The following AAK1 variants were observed in gnomAD, a reference collection of about 807,000 sequenced individuals.
The protein encoded by AAK1 is AP2-associated protein kinase 1.
A neutral mutation model predicts 116.0 loss-of-function variants in AAK1; 37 were observed. That is an observed-to-expected ratio of 0.32 (90% confidence interval 0.25 to 0.42). The LOEUF (loss-of-function observed/expected upper bound fraction) is 0.42. AAK1 is among the 10% of genes least tolerant of loss of function. The probability of loss-of-function intolerance (pLI) is 1.00; values close to 1 mark genes in which losing one functional copy is unlikely to be tolerated. For missense variants in AAK1, 919 were observed against 1,170.6 expected (o/e 0.79, Z 3.14); for synonymous variants, 458 against 439.9 (o/e 1.04, Z -0.51).
chr2:69,475,624 T>G lies in AAK1; in HGVS notation c.*245A>C. The stretch of plus-strand genomic sequence containing the variant: ...AGTGCTTGATTTAAGATAATGCTAT[T>G]GAAGAAGGGTAATGAGAAAACACAG... On this transcript the variant is annotated 3_prime_UTR_variant, in exon 22 of 22. Transcript: ENST00000409085. 7.8e-7 allele frequency: 1 copy of G among 1,281,680 alleles called. No homozygotes were observed. The allele number at this position is 1,281,680 out of a possible 1,614,324, so 79.4% of individuals were successfully genotyped here. A position where few individuals can be genotyped will look rare whatever the true frequency, so the allele number is the denominator to read the frequency against.
In AAK1 at chr2:69,530,017, A is replaced by G; in HGVS notation, c.862T>C (p.Cys288Arg). Residue 288 changes from cysteine (C) to arginine (R), a missense_variant, in exon 8 of 22, where the codon TGC becomes CGC. Around this residue, in one of 4 missense-constraint regions of AAK1, gnomAD observed 317 missense variants for 490.4 expected, o/e 0.65. Transcript: ENST00000409085. ...DNSRYSQDMH[C>R]LIRYMLEPDP... ...AACTTAAAATACTTACTAATTAGGC[A>G]GTGCATGTCTTGAGAATATCGAGAA... The G allele has an allele frequency of 6.4e-7, 1 of 1,572,550 alleles. No individual in the cohort carries two copies. Among genetic ancestry groups the G allele is most frequent in the Non-Finnish European group, 8.6e-7 (1 of 1,162,164 alleles).
At chr2:69,485,897 G>A (rs1212130157) in intron 17 of AAK1, among the ~76,000 whole-genome samples, 1 of 151,848 alleles carries the variant, frequency 6.6e-6, no homozygotes, top group African/African-American at 2.4e-5. Flanking sequence ...GACCTCAGGT[G>A]ATCCACCCAC....
At chr2:69,547,273 T>C (rs1670966664) in intron 3 of AAK1, among the ~76,000 whole-genome samples, 1 of 152,192 alleles carries the variant, frequency 6.6e-6, no homozygotes, top group Non-Finnish European at 1.5e-5. Flanking sequence ...TGCACTTTAT[T>C]GAAATTAAAA....
At chr2:69,563,466 A>C (rs929833081) in intron 2 of AAK1, among the ~76,000 whole-genome samples, 3 of 152,212 alleles carry the variant, frequency 2.0e-5, no homozygotes, top group African/African-American at 7.2e-5. Context: ...GATATTTTAA[A>C]ATCAGGCCTA....
At chr2:69,561,889 A>T (rs1444949625) in intron 2 of AAK1, among the ~76,000 whole-genome samples, 1 of 152,186 alleles carries the variant, frequency 6.6e-6, no homozygotes, top group African/African-American at 2.4e-5. Flanking sequence ...AACATTTCTG[A>T]GATTCATCTT....
In AAK1 at chr2:69,500,688, TATATATATATACACACACAC is replaced by T. The variant is rs1211246388; in HGVS notation, c.2270-4628_2270-4609del. Reference sequence around the variant, plus strand: ...AAATATATATATATATATATATATATATATATATATACACACACACACACACACACACACACACACACACA... The same window carrying T: ...AAATATATATATATATATATATATATACACACACACACACACACACACACA... On this transcript the variant is annotated intron_variant, in intron 16 of 21. Transcript: ENST00000409085. Among the ~76,000 whole-genome samples, 458 of 112,138 alleles carry T rather than the reference TATATATATATACACACACAC, an allele frequency of 4.1e-3. 4 individuals carry two copies. Among genetic ancestry groups the T allele is most frequent in the Admixed American group, 0.014 (142 of 10,140 alleles). The allele number at this position is 112,138 out of a possible 152,430, so 73.6% of individuals were successfully genotyped here. A position where few individuals can be genotyped will look rare whatever the true frequency, so the allele number is the denominator to read the frequency against.
At chr2:69,572,215 T>A (rs953739498) in intron 2 of AAK1, among the ~76,000 whole-genome samples, 31 of 152,178 alleles carry the variant, frequency 2.0e-4, no homozygotes, top group Non-Finnish European at 4.3e-4. Context: ...AGACTCAGAA[T>A]TACTGATTTT....
chr2:69,528,686 A>C (rs1232711138), intron 8 of AAK1, among the ~76,000 whole-genome samples: 1 of 152,128 alleles, frequency 6.6e-6, no homozygotes, highest in African/African-American at 2.4e-5. Flanking sequence ...AATGATGATA[A>C]ACTTAATTTT....
chr2:69,561,364 C>G (rs1572958612), intron 2 of AAK1, among the ~76,000 whole-genome samples: 1 of 152,146 alleles, frequency 6.6e-6, no homozygotes, highest in East Asian at 1.9e-4. Context: ...GATGAGTTTA[C>G]AGAATACTCC....
In AAK1 at chr2:69,598,073, A is replaced by G. The variant is rs922164165; in HGVS notation, c.164-41095T>C. 8.7e-6 allele frequency: 6 copies of G among 686,264 alleles called. No individual in the cohort carries two copies. The African/African-American group carries it at 1.1e-4, about 13-fold the overall frequency. The allele number at this position is 686,264 out of a possible 1,614,324, so 42.5% of individuals were successfully genotyped here. A position where few individuals can be genotyped will look rare whatever the true frequency, so the allele number is the denominator to read the frequency against. On this transcript the variant is annotated intron_variant, in intron 2 of 21. Transcript: ENST00000409085. ...GGGTGAACACCTTCTTTATGGTGAC[A>G]TAATGCAACCACATGTTTTGGATAC...
chr2:69,608,294 G>A (rs1673904469), intron 2 of AAK1, among the ~76,000 whole-genome samples: 1 of 152,234 alleles, frequency 6.6e-6, no homozygotes, highest in Non-Finnish European at 1.5e-5. Flanking sequence ...CAGGCCAACA[G>A]CTTGGCAGAG....
chr2:69,621,085 CAT>C (rs1364616493), intron 2 of AAK1, among the ~76,000 whole-genome samples: 6 of 152,180 alleles, frequency 3.9e-5, no homozygotes, highest in Non-Finnish European at 7.3e-5. Flanking sequence ...CTTTCACTGA[CAT>C]GTGTATTTCT....
At chr2:69,564,146 C>G (rs975635815) in intron 2 of AAK1, among the ~76,000 whole-genome samples, 1 of 151,418 alleles carries the variant, frequency 6.6e-6, no homozygotes, top group East Asian at 1.9e-4. Context: ...GAGCCGAGAT[C>G]ACGCCACTGC....
At chr2:69,477,936 G>A (rs756211195) in intron 20 of AAK1, among the ~76,000 whole-genome samples, 2 of 152,144 alleles carry the variant, frequency 1.3e-5, no homozygotes, top group Non-Finnish European at 2.9e-5. Flanking sequence ...ATCACAGAAA[G>A]TTCAGTAACA....
intron 9 of AAK1, 101 bp from the exon 10 acceptor site, chr2:69,525,213 C>CA: frequency 8.3e-7 from 1 of 1,209,432 alleles, no homozygotes; most frequent in Non-Finnish European, 1.2e-6. Flanking sequence ...GATGGAAACA[C>CA]ATTTTGGGAT....
intron 16 of AAK1, 76 bp downstream of exon 16, chr2:69,505,493 G>C: frequency 8.9e-7 from 1 of 1,128,218 alleles, no homozygotes; most frequent in Non-Finnish European, 1.3e-6. Flanking sequence ...TGGCATGCTA[G>C]AGTTATCTGT....
chr2:69,494,977 C>T (rs1259634820), intron 17 of AAK1, among the ~76,000 whole-genome samples: 1 of 152,128 alleles, frequency 6.6e-6, no homozygotes, highest in Non-Finnish European at 1.5e-5. Flanking sequence ...ATCGCAGTCA[C>T]TTCCAGTCTT....
chr2:69,598,514 T>A (rs1314957433), intron 2 of AAK1: 1 of 159,232 alleles, frequency 6.3e-6, no homozygotes, highest in Non-Finnish European at 1.4e-5. Context: ...CGTTTTCTTT[T>A]TCTTTTTTTT....
At chr2:69,523,224 A>C (rs1572922188) in intron 10 of AAK1, among the ~76,000 whole-genome samples, 1 of 152,174 alleles carries the variant, frequency 6.6e-6, no homozygotes, top group East Asian at 1.9e-4. Context: ...ATCATGTTTG[A>C]GCCTAGTACA....
Sources: gnomAD v4.1 joint callset for allele counts (sites outside exome capture counted in the v4.1 genomes callset) on GRCh38, gnomAD v4.1.1 for gene constraint, gnomAD v4.1.1 regional missense constraint, MANE v1.5 for transcripts, NCBI Gene and HGNC (gene_info 2026-07-23, HGNC 2026-07-21) for gene names.